The following DAB1 variants were observed in gnomAD, a reference collection of about 807,000 sequenced individuals.
DAB1 encodes DAB adaptor protein 1.
In DAB1, 15 loss-of-function variants were observed where a neutral mutation model predicts 64.6. The observed-to-expected ratio is 0.23, with a 90% CI of 0.16 to 0.36. The LOEUF (loss-of-function observed/expected upper bound fraction) is 0.36. DAB1 is among the 10% of genes least tolerant of loss of function. The pLI is 1.00. For synonymous variants in DAB1, 235 were observed against 251.9 expected, an observed-to-expected ratio of 0.93 and a Z score of 0.64; for missense variants, 596 against 706.7, an observed-to-expected ratio of 0.84 and a Z score of 1.78.
At chr1:57,065,769 C>A (rs553381513) in intron 8 of DAB1, among the ~76,000 whole-genome samples, 1 of 152,132 alleles carries the variant, frequency 6.6e-6, no homozygotes, top group African/African-American at 2.4e-5. Context: ...CCACAGGCTG[C>A]GACTCAGACA....
chr1:57,064,110 A>G (rs1650675310), intron 8 of DAB1, among the ~76,000 whole-genome samples: 1 of 152,262 alleles, frequency 6.6e-6, no homozygotes, highest in Non-Finnish European at 1.5e-5. Flanking sequence ...AAGGAAAAGT[A>G]TCTTTTGGGC....
intron 5 of DAB1, among the ~76,000 whole-genome samples, chr1:57,949,264 C>CA (rs1645230689): frequency 6.6e-6 from 1 of 152,148 alleles, no homozygotes; most frequent in Non-Finnish European, 1.5e-5. Flanking sequence ...AGATCCCTTG[C>CA]ATGTGCAGTT....
At chr1:57,094,485 A>G (rs1311750156) in intron 4 of DAB1, among the ~76,000 whole-genome samples, 5 of 152,166 alleles carry the variant, frequency 3.3e-5, no homozygotes, top group Non-Finnish European at 7.3e-5. Flanking sequence ...CTACCGAGGT[A>G]AGAGGGCCTG....
At chr1:57,944,986 A>C (rs1645162718) in intron 5 of DAB1, among the ~76,000 whole-genome samples, 1 of 152,164 alleles carries the variant, frequency 6.6e-6, no homozygotes. Flanking sequence ...GAAACCTGAA[A>C]GTTGAAAAGG....
chr1:57,537,946 G>A (rs1644749827), intron 7 of DAB1, among the ~76,000 whole-genome samples: 1 of 152,040 alleles, frequency 6.6e-6, no homozygotes, highest in Admixed American at 6.6e-5. Flanking sequence ...AAGGCTAGGG[G>A]GGCATGCAAG....
At chr1:58,118,507 C>CACACACAT (rs1652507620) in intron 5 of DAB1, among the ~76,000 whole-genome samples, 2 of 68,816 alleles carry the variant, frequency 2.9e-5, no homozygotes, top group African/African-American at 1.2e-4. Flanking sequence ...TATATATACA[C>CACACACAT]ACACACACAC....
intron 3 of DAB1, among the ~76,000 whole-genome samples, chr1:58,418,883 A>T (rs2100217289): frequency 6.6e-6 from 1 of 152,282 alleles, no homozygotes; most frequent in East Asian, 1.9e-4. Flanking sequence ...AAAAGGGACA[A>T]TTGCCCCCAG....
chr1:58,478,999 A>G (rs1224163225), intron 3 of DAB1, among the ~76,000 whole-genome samples: 3 of 152,142 alleles, frequency 2.0e-5, no homozygotes, highest in Non-Finnish European at 4.4e-5. Context: ...GAACTGTAAC[A>G]TTTCTTTTAC....
chr1:58,446,244 T>A (rs1645065479), intron 3 of DAB1, among the ~76,000 whole-genome samples: 1 of 152,198 alleles, frequency 6.6e-6, no homozygotes, highest in Admixed American at 6.5e-5. Context: ...TGTTCGTTGC[T>A]CCCAGCCCAT....
chr1:58,411,507 G>A (rs867192916), intron 3 of DAB1, among the ~76,000 whole-genome samples: 2 of 152,184 alleles, frequency 1.3e-5, no homozygotes, highest in South Asian at 4.1e-4. Context: ...AATCCATTTG[G>A]GGTGGTGGTC....
intron 5 of DAB1, among the ~76,000 whole-genome samples, chr1:57,986,884 T>G (rs1376250069): frequency 1.3e-5 from 2 of 152,188 alleles, no homozygotes; most frequent in Admixed American, 1.3e-4. Context: ...CCTACATTCG[T>G]TGTCTTATTT....
chr1:58,345,450 T>C (rs1643985524), intron 3 of DAB1, among the ~76,000 whole-genome samples: 1 of 152,194 alleles, frequency 6.6e-6, no homozygotes, highest in African/African-American at 2.4e-5. Flanking sequence ...TCTCCTGAAA[T>C]CAATATTCCC....
At chr1:57,756,542 T>G (rs1444980978) in intron 6 of DAB1, among the ~76,000 whole-genome samples, 4 of 150,872 alleles carry the variant, frequency 2.7e-5, no homozygotes, top group African/African-American at 7.3e-5. Flanking sequence ...TATTGGGGGG[T>G]TTTAATCGGA....
At chr1:58,180,281 CTTTTTTTTTTTTTT>C (rs869204611) in intron 4 of DAB1, among the ~76,000 whole-genome samples, 1 of 61,002 alleles carries the variant, frequency 1.6e-5, no homozygotes, top group Non-Finnish European at 2.9e-5. Context: ...TTTTTCTTTT[CTTTTTTTTTTTTTT>C]TTTTTTTTTT....
intron 6 of DAB1, among the ~76,000 whole-genome samples, chr1:57,797,093 T>C (rs1245676766): frequency 6.6e-6 from 1 of 152,214 alleles, no homozygotes; most frequent in Non-Finnish European, 1.5e-5. Flanking sequence ...GTGCCATCAA[T>C]ATATTTCCCA....
At chr1:58,207,463 C>A (rs1244890020) in intron 4 of DAB1, among the ~76,000 whole-genome samples, 1 of 152,176 alleles carries the variant, frequency 6.6e-6, no homozygotes, top group Non-Finnish European at 1.5e-5. Context: ...TGCTCAGCAG[C>A]AAGTTGCTGC....
At chr1:57,206,722 G>C (rs1665568188) in intron 2 of DAB1, among the ~76,000 whole-genome samples, 1 of 152,094 alleles carries the variant, frequency 6.6e-6, no homozygotes, top group South Asian at 2.1e-4. Flanking sequence ...CTATAAACTA[G>C]AACTGAGTCC....
chr1:57,849,099 C>A (rs1252830090), intron 1 of DAB1, among the ~76,000 whole-genome samples: 1 of 152,160 alleles, frequency 6.6e-6, no homozygotes, highest in African/African-American at 2.4e-5. Flanking sequence ...AAACTTGGGA[C>A]AGGATGCTTG....
chr1:57,271,186 T>C (rs1311353519), intron 2 of DAB1, among the ~76,000 whole-genome samples: 1 of 152,152 alleles, frequency 6.6e-6, no homozygotes, highest in Non-Finnish European at 1.5e-5. Flanking sequence ...GTTTTCATCT[T>C]TCCCAAGCTA....
Sources: gnomAD v4.1 joint callset for allele counts (sites outside exome capture counted in the v4.1 genomes callset) on GRCh38, gnomAD v4.1.1 for gene constraint, MANE v1.5 for transcripts, NCBI Gene and HGNC (gene_info 2026-07-23, HGNC 2026-07-21) for gene names.